Variants in PCDHA1 observed in about 807,000 individuals in gnomAD.
PCDHA1 encodes the protein protocadherin alpha-1.
Under a neutral mutation model 61.3 loss-of-function variants are expected in PCDHA1, and 42 were observed. The ratio of observed to expected loss-of-function variants is 0.69; its 90% CI spans 0.54 to 0.89. The LOEUF is 0.89. Among genes scored for constraint, PCDHA1 ranks in the 40% least tolerant of loss-of-function variants. The probability of loss-of-function intolerance (pLI) is 0.00; values close to 1 mark genes in which losing one functional copy is unlikely to be tolerated. For missense variants in PCDHA1, 1,256 were observed against 1,235.3 expected, an observed-to-expected ratio of 1.02 and a Z score of -0.25; for synonymous variants, 610 against 553.8, an observed-to-expected ratio of 1.10 and a Z score of -1.43.
At chr5:140,959,407 G>A (rs1449444307) in intron 1 of PCDHA1, among the ~76,000 whole-genome samples, 3 of 152,052 alleles carry the variant, frequency 2.0e-5, no homozygotes, top group African/African-American at 7.2e-5. Flanking sequence ...ATAAAGTGTT[G>A]ATTGATCTGA....
intron 1 of PCDHA1, chr5:140,822,351 G>A (rs2150115751): frequency 9.9e-6 from 16 of 1,614,112 alleles, no homozygotes; most frequent in Non-Finnish European, 1.4e-5. Context: ...ACTTTTTAGA[G>A]CTGGTTTTGA....
At chr5:140,993,509 CGGGGAGAGAGAG>C (rs1563592888) in intron 3 of PCDHA1, among the ~76,000 whole-genome samples, 1 of 143,490 alleles carries the variant, frequency 7.0e-6, no homozygotes, top group Admixed American at 7.0e-5. Context: ...CACACACACA[CGGGGAGAGAGAG>C]ACAGAGAGAG....
chr5:140,838,331 C>G (rs1343104365), intron 1 of PCDHA1, among the ~76,000 whole-genome samples: 1 of 149,420 alleles, frequency 6.7e-6, no homozygotes, highest in Admixed American at 6.6e-5. Flanking sequence ...ACCATGTTGC[C>G]CCGGCTGGTC....
At chr5:140,805,379 T>A in intron 1 of PCDHA1, 1 of 1,119,160 alleles carries the variant, frequency 8.9e-7, no homozygotes, top group Non-Finnish European at 1.1e-6. Context: ...ATAGTGAAAG[T>A]ACTCTGGTTT....
chr5:140,808,075 TC>T, intron 1 of PCDHA1: 1 of 1,614,072 alleles, frequency 6.2e-7, no homozygotes, highest in Non-Finnish European at 8.5e-7. Context: ...TTCACATAGA[TC>T]CAATTACTGG....
At chr5:140,950,555 C>T (rs1421946616) in intron 1 of PCDHA1, among the ~76,000 whole-genome samples, 1 of 151,964 alleles carries the variant, frequency 6.6e-6, no homozygotes, top group Non-Finnish European at 1.5e-5. Flanking sequence ...GCTGGGGGGA[C>T]ACTTATTTTA....
chr5:140,899,672 T>C (rs1280165974), intron 1 of PCDHA1, among the ~76,000 whole-genome samples: 1 of 152,218 alleles, frequency 6.6e-6, no homozygotes, highest in Non-Finnish European at 1.5e-5. Flanking sequence ...CCGGCTTTGG[T>C]ATCAGGATGA....
At chr5:140,926,840 C>T (rs1427760232) in intron 1 of PCDHA1, 4 of 1,514,378 alleles carry the variant, frequency 2.6e-6, no homozygotes, top group South Asian at 2.7e-5. Flanking sequence ...GAGCATGGTC[C>T]TGGGTCACCG....
chr5:140,830,060 C>T, intron 1 of PCDHA1: 1 of 1,613,712 alleles, frequency 6.2e-7, no homozygotes, highest in South Asian at 1.1e-5. Context: ...CCACGGTGAG[C>T]CGGCGCTGAC....
intron 3 of PCDHA1, among the ~76,000 whole-genome samples, chr5:141,000,216 T>C (rs665221): frequency 1.3e-5 from 2 of 151,640 alleles, no homozygotes; most frequent in East Asian, 1.9e-4. Flanking sequence ...CATTATCAAA[T>C]GCCTGTGTGG....
At chr5:140,872,544 C>T (rs912822292) in intron 1 of PCDHA1, among the ~76,000 whole-genome samples, 1 of 152,126 alleles carries the variant, frequency 6.6e-6, no homozygotes, top group Admixed American at 6.5e-5. Context: ...AGAGGATCCC[C>T]TGAACCCAGG....
At position 140,979,295 on chromosome 5, in the gene PCDHA1, C is replaced by A. The variant is rs180999093; in HGVS notation, c.2453+288C>A. Among the ~76,000 whole-genome samples, 27 of 152,270 alleles carry A rather than the reference C, an allele frequency of 1.8e-4. 1 individual carries two copies. The highest frequency in any genetic ancestry group is 4.1e-4 in the African/African-American group (17 of 41,558). ...TTCTACAGGGAAGTAATTTCAACCT[C>A]CTTCATCCCTCTCTACCTATGCTTT... On this transcript the variant is annotated intron_variant, in intron 2 of 3. Coordinates refer to ENST00000504120, the MANE Select transcript of PCDHA1 (RefSeq NM_018900.4).
chr5:140,799,981 G>A (rs569838602), intron 1 of PCDHA1, among the ~76,000 whole-genome samples: 10 of 152,132 alleles, frequency 6.6e-5, no homozygotes, highest in African/African-American at 2.4e-4. Flanking sequence ...AATATGTTGA[G>A]TAAATACTGG....
chr5:140,942,197 T>C (rs2093245078), intron 1 of PCDHA1, among the ~76,000 whole-genome samples: 1 of 152,170 alleles, frequency 6.6e-6, no homozygotes, highest in African/African-American at 2.4e-5. Context: ...TAAAATACAT[T>C]TTTGAGCATA....
chr5:140,829,228 A>C (rs1327321608), intron 1 of PCDHA1: 1 of 1,614,122 alleles, frequency 6.2e-7, no homozygotes, highest in East Asian at 2.2e-5. Context: ...ACCTCGATTC[A>C]GGTGCCAACG....
At chr5:141,008,108 T>C (rs2098361480) in intron 3 of PCDHA1, among the ~76,000 whole-genome samples, 1 of 152,138 alleles carries the variant, frequency 6.6e-6, no homozygotes, top group Non-Finnish European at 1.5e-5. Flanking sequence ...CTCATGAGAA[T>C]AAGTGTTTCA....
At chr5:140,898,894 G>A (rs1200031286) in intron 1 of PCDHA1, among the ~76,000 whole-genome samples, 5 of 152,102 alleles carry the variant, frequency 3.3e-5, no homozygotes, top group African/African-American at 9.7e-5. Context: ...TCTCCTTGAA[G>A]AGGTCCTTCA....
At chr5:140,850,363 G>T (rs1287210610) in intron 1 of PCDHA1, 3 of 1,597,818 alleles carry the variant, frequency 1.9e-6, no homozygotes, top group African/African-American at 1.3e-5. Flanking sequence ...ATCCCGTTCC[G>T]CGTGGGGCTG....
chr5:140,955,078 G>T lies in PCDHA1; in HGVS notation c.2395-23871G>T, dbSNP rs192023775. On this transcript the variant is annotated intron_variant, in intron 1 of 3. Transcript: ENST00000504120. ...TTGTCAGGTTTGTTGAAGATCAGAT[G>T]GTTGTAGGTGTGTGGTGTTATTTCT... Among the ~76,000 whole-genome samples, 36 of 152,228 alleles carry T rather than the reference G, an allele frequency of 2.4e-4. No homozygotes were observed. In the East Asian group the frequency reaches 6.6e-3, roughly 28 times the overall value.
Sources: gnomAD v4.1 joint callset for allele counts (sites outside exome capture counted in the v4.1 genomes callset) on GRCh38, gnomAD v4.1.1 for gene constraint, MANE v1.5 for transcripts, NCBI Gene and HGNC (gene_info 2026-07-23, HGNC 2026-07-21) for gene names.